The following CCSER1 variants were observed in gnomAD, a reference collection of about 807,000 sequenced individuals.
CCSER1 encodes the protein coiled-coil serine rich protein 1, also known as serine-rich coiled-coil domain-containing protein 1.
A neutral mutation model predicts 82.0 loss-of-function variants in CCSER1; 41 were observed. That is an observed-to-expected ratio of 0.50 (90% CI 0.39 to 0.65). CCSER1 has a LOEUF of 0.65. Among genes scored for constraint, CCSER1 ranks in the 30% least tolerant of loss-of-function variants. The probability of loss-of-function intolerance (pLI) is 0.00; values close to 1 mark genes in which losing one functional copy is unlikely to be tolerated. For missense variants in CCSER1, 1,119 were observed against 1,064.2 expected (o/e 1.05, Z -0.72); for synonymous variants, 414 against 383.9 (o/e 1.08, Z -0.92).
chr4:91,042,503 T>A (rs1030806767), intron 9 of CCSER1, among the ~76,000 whole-genome samples: 8 of 152,196 alleles, frequency 5.3e-5, no homozygotes, highest in African/African-American at 1.9e-4. Context: ...ATTAATTGTA[T>A]GTCTCCTTAT....
In CCSER1 at chr4:91,588,138, T is replaced by C. The variant is rs1285536973; in HGVS notation, c.2218-10434T>C. 2.6e-5 allele frequency among the ~76,000 whole-genome samples: 4 copies of C among 151,538 alleles called. No homozygotes were observed. In the East Asian group the frequency reaches 5.8e-4, roughly 22 times the overall value. ...AATCAATTTTAGATCTTTTTAAGGATGACTAACTTTGAAGCTGGTGGCCCA... is the reference window on the plus strand; with the variant it reads ...AATCAATTTTAGATCTTTTTAAGGACGACTAACTTTGAAGCTGGTGGCCCA... On this transcript the variant is annotated intron_variant, in intron 10 of 10. Transcript: ENST00000509176.
intron 5 of CCSER1, among the ~76,000 whole-genome samples, chr4:90,492,349 G>A (rs1371494568): frequency 6.6e-6 from 1 of 152,008 alleles, no homozygotes; most frequent in African/African-American, 2.4e-5. Context: ...TATATCTGTG[G>A]GATTGGTGGT....
At chr4:91,037,232 T>TCTCA (rs34883358) in intron 9 of CCSER1, among the ~76,000 whole-genome samples, 5,539 of 146,398 alleles carry the variant, frequency 0.038, 134 homozygotes, top group Middle Eastern at 0.059. Context: ...TCTATCTCTG[T>TCTCA]CACACACACA....
chr4:90,610,516 G>T (rs529295447), intron 5 of CCSER1, among the ~76,000 whole-genome samples: 8 of 151,964 alleles, frequency 5.3e-5, no homozygotes, highest in Non-Finnish European at 1.2e-4. Context: ...AAATATTTTA[G>T]CTCTTTTTGC....
intron 1 of CCSER1, among the ~76,000 whole-genome samples, chr4:90,263,589 T>A (rs1724718064): frequency 6.6e-6 from 1 of 152,182 alleles, no homozygotes. Flanking sequence ...TTCTTTTTCC[T>A]GGGCACAGAG....
At chr4:91,373,128 C>T (rs973715459) in intron 10 of CCSER1, among the ~76,000 whole-genome samples, 2 of 151,316 alleles carry the variant, frequency 1.3e-5, no homozygotes, top group Non-Finnish European at 1.5e-5. Flanking sequence ...TATATTAATT[C>T]ATGTTTAAAC....
At chr4:90,988,212 G>A (rs1736724758) in intron 9 of CCSER1, among the ~76,000 whole-genome samples, 1 of 151,032 alleles carries the variant, frequency 6.6e-6, no homozygotes, top group Admixed American at 6.6e-5. Context: ...GGTATATGTT[G>A]TAGTCCCAGT....
chr4:90,491,955 T>C (rs1313474690), intron 5 of CCSER1, among the ~76,000 whole-genome samples: 3 of 152,094 alleles, frequency 2.0e-5, no homozygotes, highest in Non-Finnish European at 4.4e-5. Flanking sequence ...CGATGTTCAT[T>C]AGGGATATTG....
intron 5 of CCSER1, among the ~76,000 whole-genome samples, chr4:90,525,119 T>A (rs112628045): frequency 0.011 from 1,613 of 150,926 alleles, 24 homozygotes; most frequent in African/African-American, 0.035. Flanking sequence ...TCATTTTTTT[T>A]AAAAAAAAAG....
At chr4:90,907,176 C>T (rs11097272) in intron 8 of CCSER1, among the ~76,000 whole-genome samples, 70,837 of 151,928 alleles carry the variant, frequency 0.47, 18,175 homozygotes, top group African/African-American at 0.7. Flanking sequence ...CAAGTTGAAA[C>T]TTCATCCTGT....
At chr4:90,153,106 A>T (rs1007535748) in intron 1 of CCSER1, among the ~76,000 whole-genome samples, 3 of 140,066 alleles carry the variant, frequency 2.1e-5, no homozygotes, top group African/African-American at 8.0e-5. Flanking sequence ...TCATTGTTCA[A>T]TTCCCACCTA....
chr4:90,352,778 A>AATAAT (rs1290410179), intron 3 of CCSER1, among the ~76,000 whole-genome samples: 17 of 152,144 alleles, frequency 1.1e-4, no homozygotes, highest in African/African-American at 3.4e-4. Flanking sequence ...AAAATGGGGG[A>AATAAT]ATAATATATA....
intron 9 of CCSER1, among the ~76,000 whole-genome samples, chr4:90,990,292 G>T (rs930533107): frequency 2.0e-5 from 3 of 151,744 alleles, no homozygotes; most frequent in African/African-American, 7.3e-5. Flanking sequence ...GGCCTCAATG[G>T]TATGAATTCT....
chr4:90,202,528 T>G (rs931446739), intron 1 of CCSER1, among the ~76,000 whole-genome samples: 1 of 152,222 alleles, frequency 6.6e-6, no homozygotes, highest in Non-Finnish European at 1.5e-5. Flanking sequence ...AAATTCTGTT[T>G]ATTACAATCT....
intron 10 of CCSER1, among the ~76,000 whole-genome samples, chr4:91,444,437 T>C (rs752120904): frequency 7.5e-6 from 1 of 134,150 alleles, no homozygotes; most frequent in Non-Finnish European, 1.6e-5. Flanking sequence ...AATCATTTTT[T>C]TTAAAGTGCC....
At chr4:90,208,524 G>A (rs1208850292) in intron 1 of CCSER1, among the ~76,000 whole-genome samples, 5 of 151,932 alleles carry the variant, frequency 3.3e-5, no homozygotes, top group Admixed American at 6.5e-5. Context: ...GTTTTGTCTC[G>A]GTGGCATTCC....
At chr4:90,818,534 C>T (rs1346320614) in intron 8 of CCSER1, among the ~76,000 whole-genome samples, 1 of 152,164 alleles carries the variant, frequency 6.6e-6, no homozygotes, top group Non-Finnish European at 1.5e-5. Flanking sequence ...ACCTCGGTTT[C>T]CCAAAGTGCT....
chr4:90,606,688 G>A (rs1248316357), intron 5 of CCSER1, among the ~76,000 whole-genome samples: 1 of 152,106 alleles, frequency 6.6e-6, no homozygotes, highest in African/African-American at 2.4e-5. Flanking sequence ...TGGATATGCA[G>A]GAAAAAGTGG....
At chr4:91,477,979 G>A (rs990565192) in intron 10 of CCSER1, among the ~76,000 whole-genome samples, 4 of 151,804 alleles carry the variant, frequency 2.6e-5, no homozygotes, top group Admixed American at 2.6e-4. Context: ...GAAGTATTAC[G>A]ACTATATTCC....
Sources: gnomAD v4.1 joint callset for allele counts (sites outside exome capture counted in the v4.1 genomes callset) on GRCh38, gnomAD v4.1.1 for gene constraint, MANE v1.5 for transcripts, NCBI Gene and HGNC (gene_info 2026-07-23, HGNC 2026-07-21) for gene names.